Variants in USH2A observed in about 807,000 individuals in gnomAD.
USH2A encodes Usher syndrome 2A (autosomal recessive, mild).
USH2A carries 443 observed loss-of-function variants against 538.9 expected under a neutral mutation model. The ratio of observed to expected loss-of-function variants is 0.82; its 90% confidence interval spans 0.76 to 0.89. USH2A has a LOEUF of 0.89. USH2A is among the 40% of genes least tolerant of loss of function. The pLI is 0.00. For synonymous variants in USH2A, 2,413 were observed against 2,273.5 expected (o/e 1.06, Z -1.75); for missense variants, 6,633 against 6,324.8 (o/e 1.05, Z -1.65).
chr1:216,136,872 C>T (rs2033495583), intron 21 of USH2A, among the ~76,000 whole-genome samples: 1 of 152,138 alleles, frequency 6.6e-6, no homozygotes, highest in African/African-American at 2.4e-5. Context: ...ACAGATTCTT[C>T]CTCACAGCCC....
chr1:216,203,298 C>T lies in USH2A; in HGVS notation c.3317-3177G>A, dbSNP rs936244945. On this transcript the variant is annotated intron_variant, in intron 16 of 71. Transcript: ENST00000307340. ...GTGTGTATATATACTGTTCTTTTTC[C>T]TATACATACATATCTATGATAAAGT... Among the ~76,000 whole-genome samples the T allele has an allele frequency of 2.0e-5, 3 of 151,368 alleles. No individual in the cohort carries two copies. The South Asian group carries it at 6.2e-4, about 32-fold the overall frequency.
At chr1:215,979,895 G>A (rs574818383) in intron 35 of USH2A, among the ~76,000 whole-genome samples, 2 of 152,216 alleles carry the variant, frequency 1.3e-5, no homozygotes, top group South Asian at 4.1e-4. Context: ...GTTTTTCAGT[G>A]TGAGGATAAG....
Position 215,782,668 on chromosome 1 carries a change from T to C in USH2A, c.10585+70A>G. 17 of 1,502,736 alleles carry C rather than the reference T, an allele frequency of 1.1e-5. No homozygotes were observed. In the South Asian group the frequency reaches 1.8e-4, roughly 16 times the overall value. 93.1% of individuals were successfully genotyped at this position (1,502,736 alleles called of 1,614,324 possible). A position where few individuals can be genotyped will look rare whatever the true frequency, so the allele number is the denominator to read the frequency against. On this transcript the variant is annotated intron_variant, in intron 53 of 71. Coordinates refer to ENST00000307340, the MANE Select transcript of USH2A (RefSeq NM_206933.4). ...GATGCATAGGGCAATTAAATGTAGA[T>C]TGTACTCATTTCAATTTTCTTATGA... is the stretch of plus-strand genomic sequence containing the variant.
intron 30 of USH2A, among the ~76,000 whole-genome samples, chr1:216,050,753 C>T (rs937513714): frequency 6.6e-6 from 1 of 150,612 alleles, no homozygotes; most frequent in Non-Finnish European, 1.5e-5. Flanking sequence ...TACAGGCGCC[C>T]GCCACCACGC....
chr1:215,953,324 G>C (rs942368116), intron 37 of USH2A, among the ~76,000 whole-genome samples: 1 of 152,104 alleles, frequency 6.6e-6, no homozygotes, highest in Non-Finnish European at 1.5e-5. Context: ...TAGACTACAA[G>C]GCTACAGTAA....
At chr1:216,064,841 C>T (rs2031297835) in intron 30 of USH2A, among the ~76,000 whole-genome samples, 2 of 152,162 alleles carry the variant, frequency 1.3e-5, no homozygotes, top group Non-Finnish European at 2.9e-5. Flanking sequence ...TATGTAAGCA[C>T]ATTGCAAGGT....
chr1:215,845,106 G>C (rs1663803172), intron 45 of USH2A, among the ~76,000 whole-genome samples: 1 of 152,062 alleles, frequency 6.6e-6, no homozygotes, highest in South Asian at 2.1e-4. Context: ...ACTATGCAAA[G>C]ACCTATTTTT....
At chr1:215,850,796 C>A (rs1319060232) in intron 44 of USH2A, among the ~76,000 whole-genome samples, 1 of 152,104 alleles carries the variant, frequency 6.6e-6, no homozygotes, top group Non-Finnish European at 1.5e-5. Context: ...TGATAAGCCA[C>A]AAAATGAGTC....
intron 32 of USH2A, among the ~76,000 whole-genome samples, chr1:216,002,629 A>G (rs1200557066): frequency 6.6e-6 from 1 of 152,074 alleles, no homozygotes; most frequent in Non-Finnish European, 1.5e-5. Flanking sequence ...GCCATATCAG[A>G]TTGTCTTGGT....
chr1:216,167,508 T>A (rs2034194137), intron 21 of USH2A, among the ~76,000 whole-genome samples: 1 of 152,072 alleles, frequency 6.6e-6, no homozygotes. Flanking sequence ...ATGCCTTAAG[T>A]GAGCATGCCT....
At chr1:215,858,662 C>T (rs1188860283) in intron 44 of USH2A, among the ~76,000 whole-genome samples, 1 of 151,582 alleles carries the variant, frequency 6.6e-6, no homozygotes. Flanking sequence ...TCTCAGTGAG[C>T]TGAAAAAGGT....
chr1:216,286,920 GA>G (rs1027461949), intron 11 of USH2A, among the ~76,000 whole-genome samples: 2 of 152,020 alleles, frequency 1.3e-5, no homozygotes, highest in African/African-American at 4.8e-5. Flanking sequence ...AAAACAACAG[GA>G]AGGAAGATTT....
At chr1:215,866,858 G>T in intron 44 of USH2A, 149 bp downstream of exon 44, 1 of 1,096,576 alleles carries the variant, frequency 9.1e-7, no homozygotes, top group Non-Finnish European at 1.3e-6. Context: ...AGTTTTCAAT[G>T]ACAGCCCTGT....
intron 38 of USH2A, among the ~76,000 whole-genome samples, chr1:215,920,583 C>T (rs935156850): frequency 6.6e-6 from 1 of 151,964 alleles, no homozygotes; most frequent in Non-Finnish European, 1.5e-5. Context: ...GAGGAAAGTT[C>T]TGTAATTATG....
At chr1:216,113,076 T>G (rs1339789077) in intron 21 of USH2A, among the ~76,000 whole-genome samples, 2 of 148,642 alleles carry the variant, frequency 1.3e-5, no homozygotes, top group Non-Finnish European at 3.0e-5. Flanking sequence ...ACGATTAAAA[T>G]CTGTAGCTGT....
intron 49 of USH2A, among the ~76,000 whole-genome samples, chr1:215,808,289 C>A (rs1237296380): frequency 6.6e-6 from 1 of 152,066 alleles, no homozygotes; most frequent in African/African-American, 2.4e-5. Context: ...GTCACTCATA[C>A]ACAGTCATCA....
intron 21 of USH2A, among the ~76,000 whole-genome samples, chr1:216,137,004 A>G (rs983243616): frequency 2.0e-5 from 3 of 152,190 alleles, no homozygotes; most frequent in East Asian, 1.9e-4. Flanking sequence ...AAATGATCAT[A>G]AATTTGTTTT....
intron 51 of USH2A, among the ~76,000 whole-genome samples, chr1:215,788,915 C>CCAAAACAAAA (rs142498202): frequency 0.36 from 54,151 of 149,344 alleles, 10,030 homozygotes; most frequent in South Asian, 0.43. Context: ...AACTTGGAAT[C>CCAAAACAAAA]CAAAACAAAA....
chr1:215,964,062 C>T (rs573221331), intron 37 of USH2A, among the ~76,000 whole-genome samples: 10 of 152,160 alleles, frequency 6.6e-5, no homozygotes, highest in South Asian at 2.1e-4. Context: ...GTTTGAGAGA[C>T]GGGATGACAA....
Sources: allele counts gnomAD v4.1 joint callset (sites outside exome capture counted in the v4.1 genomes callset), GRCh38; gene constraint gnomAD v4.1.1; transcripts MANE v1.5; gene names NCBI Gene and HGNC (gene_info 2026-07-23, HGNC 2026-07-21).